Variants in RNF152 observed in about 807,000 individuals in gnomAD.
RNF152 encodes ring finger protein 152, also known as E3 ubiquitin-protein ligase RNF152.
A neutral mutation model predicts 12.7 loss-of-function variants in RNF152; 11 were observed. The ratio of observed to expected loss-of-function variants is 0.86; its 90% CI spans 0.54 to 1.43. RNF152 has a LOEUF of 1.43. RNF152 is among the 40% of genes most tolerant of loss of function. The pLI is 0.00. For missense variants in RNF152, 255 were observed against 274.8 expected (o/e 0.93, Z 0.51); for synonymous variants, 113 against 120.3 (o/e 0.94, Z 0.40).
intron 1 of RNF152, among the ~76,000 whole-genome samples, chr18:61,826,650 T>C (rs1329919891): frequency 1.3e-5 from 2 of 152,196 alleles, no homozygotes; most frequent in Non-Finnish European, 2.9e-5. Flanking sequence ...TCCGCAACAG[T>C]TCTAATAAAA....
At chr18:61,854,489 C>G (rs1911128554) in intron 1 of RNF152, among the ~76,000 whole-genome samples, 1 of 152,226 alleles carries the variant, frequency 6.6e-6, no homozygotes, top group African/African-American at 2.4e-5. Context: ...CAAAATTACA[C>G]AGGAAACCAT....
chr18:61,851,841 C>A (rs1279941749), intron 1 of RNF152, among the ~76,000 whole-genome samples: 1 of 152,224 alleles, frequency 6.6e-6, no homozygotes, highest in Admixed American at 6.5e-5. Context: ...TCTTATACAG[C>A]AGTACATGAA....
At chr18:61,864,214 C>A (rs897079091) in intron 1 of RNF152, among the ~76,000 whole-genome samples, 58 of 152,282 alleles carry the variant, frequency 3.8e-4, no homozygotes, top group African/African-American at 1.4e-3. Flanking sequence ...AGTCTGCCCC[C>A]ATTTCAGACA....
intron 1 of RNF152, among the ~76,000 whole-genome samples, chr18:61,845,642 T>C (rs1294873496): frequency 1.3e-5 from 2 of 152,220 alleles, no homozygotes; most frequent in East Asian, 3.8e-4. Flanking sequence ...GAAGTCAATT[T>C]TCCTCCAAAA....
At chr18:61,869,853 C>T (rs896354536) in intron 1 of RNF152, among the ~76,000 whole-genome samples, 1 of 152,158 alleles carries the variant, frequency 6.6e-6, no homozygotes, top group African/African-American at 2.4e-5. Context: ...CATCCATGAA[C>T]TTGGCACAAC....
rs145511059 is a variant in RNF152, at chr18:61,827,297, A to G, written c.-135-10699T>C. The stretch of plus-strand genomic sequence containing the variant: ...CCTTGACCATCAAGAAGGAACATTG[A>G]ATAAATTGCCCAAACACATTCAGTA... On this transcript the variant is annotated intron_variant, in intron 1 of 1. Transcript: ENST00000312828. Among the ~76,000 whole-genome samples the G allele has an allele frequency of 1.7e-3, 260 of 152,352 alleles. 2 individuals are homozygous for G. The highest frequency in any genetic ancestry group is 6.0e-3 in the African/African-American group (251 of 41,584).
chr18:61,863,366 T>C (rs145218055), intron 1 of RNF152, among the ~76,000 whole-genome samples: 5,871 of 141,454 alleles, frequency 0.042, 377 homozygotes, highest in African/African-American at 0.15. Context: ...ACCTGGGAAG[T>C]GGAGGTTGCA....
chr18:61,818,959 AG>A (rs1909249462), intron 1 of RNF152, among the ~76,000 whole-genome samples: 1 of 152,202 alleles, frequency 6.6e-6, no homozygotes, highest in East Asian at 1.9e-4. Flanking sequence ...CGAAGGAATC[AG>A]GGGGAATTTA....
chr18:61,811,218 A>T lies in RNF152; in HGVS notation c.*4634T>A, dbSNP rs1328159909. ...AAAGCAGACTAACCAATTTTGAAAC[A>T]ACATAAGTTTTCAAATAAAGGGATG... On this transcript the variant is annotated 3_prime_UTR_variant, in exon 2 of 2. Coordinates refer to ENST00000312828, the MANE Select transcript of RNF152 (RefSeq NM_173557.3). 6.6e-6 allele frequency: 1 copy of T among 152,208 alleles called. No individual in the cohort carries two copies. The highest frequency in any genetic ancestry group is 2.4e-5 in the African/African-American group (1 of 41,452). 9.4% of individuals were successfully genotyped at this position (152,208 alleles called of 1,614,324 possible).
At chr18:61,820,560 G>A (rs774013240) in intron 1 of RNF152, among the ~76,000 whole-genome samples, 3 of 151,960 alleles carry the variant, frequency 2.0e-5, no homozygotes, top group Non-Finnish European at 4.4e-5. Flanking sequence ...CTCACGTTGA[G>A]CTACGGGTGG....
At chr18:61,873,578 A>G (rs1912088376) in intron 1 of RNF152, among the ~76,000 whole-genome samples, 2 of 152,096 alleles carry the variant, frequency 1.3e-5, no homozygotes, top group South Asian at 2.1e-4. Flanking sequence ...CAGGTGATCC[A>G]CCCACCTCAG....
At chr18:61,828,780 A>C (rs896905581) in intron 1 of RNF152, among the ~76,000 whole-genome samples, 2 of 152,304 alleles carry the variant, frequency 1.3e-5, no homozygotes, top group African/African-American at 2.4e-5. Context: ...ATTGAGTATA[A>C]GGCACTACTC....
chr18:61,847,512 T>G (rs1327211221), intron 1 of RNF152, among the ~76,000 whole-genome samples: 4 of 152,228 alleles, frequency 2.6e-5, no homozygotes, highest in South Asian at 2.1e-4. Context: ...AGGGAAAATA[T>G]AGGCATTGCA....
At position 61,815,587 on chromosome 18, in the gene RNF152, C is replaced by A. The variant is rs1000933840; in HGVS notation, c.*265G>T. On this transcript the variant is annotated 3_prime_UTR_variant, in exon 2 of 2. Coordinates refer to ENST00000312828, the MANE Select transcript of RNF152 (RefSeq NM_173557.3). ...CATGATTTTGAAAAATCATAAATTA[C>A]AGTCCATTGAATACATGATTATGAG... is the stretch of plus-strand genomic sequence containing the variant. 9.2e-5 allele frequency: 40 copies of A among 432,444 alleles called. No individual in the cohort carries two copies. Among genetic ancestry groups the A allele is most frequent in the Middle Eastern group, 1.2e-3 (2 of 1,658 alleles). 26.8% of individuals were successfully genotyped at this position (432,444 alleles called of 1,614,324 possible).
intron 1 of RNF152, among the ~76,000 whole-genome samples, chr18:61,849,605 G>A (rs1910881291): frequency 6.6e-6 from 1 of 152,186 alleles, no homozygotes; most frequent in South Asian, 2.1e-4. Flanking sequence ...CAAATGGAAA[G>A]TTCTTAAAAC....
In RNF152 at chr18:61,832,522, T is replaced by G. The variant is rs77089753; in HGVS notation, c.-135-15924A>C. ...ACCCTGTAGAATTAAGCCTGTTTAA[T>G]CCACAAATAACTGCTTGAGTTTCAG... On this transcript the variant is annotated intron_variant, in intron 1 of 1. Transcript: ENST00000312828. Among the ~76,000 whole-genome samples, 164 of 152,294 alleles carry G rather than the reference T, an allele frequency of 1.1e-3. 1 individual carries two copies. In the East Asian group the frequency reaches 0.03, roughly 27 times the overall value.
At chr18:61,839,662 G>A (rs188059711) in intron 1 of RNF152, among the ~76,000 whole-genome samples, 6 of 152,232 alleles carry the variant, frequency 3.9e-5, no homozygotes, top group African/African-American at 1.4e-4. Flanking sequence ...TTGGGAGGCT[G>A]AGGCGGGCGG....
At chr18:61,862,494 G>T (rs896579806) in intron 1 of RNF152, among the ~76,000 whole-genome samples, 1 of 152,174 alleles carries the variant, frequency 6.6e-6, no homozygotes, top group African/African-American at 2.4e-5. Context: ...CTCCATGAGG[G>T]GATCCCACCC....
chr18:61,882,469 G>A (rs1171742807), intron 1 of RNF152, among the ~76,000 whole-genome samples: 2 of 152,234 alleles, frequency 1.3e-5, no homozygotes, highest in African/African-American at 2.4e-5. Flanking sequence ...AGGCACGCAA[G>A]TGTCTGGCAA....
Sources: allele counts gnomAD v4.1 joint callset (sites outside exome capture counted in the v4.1 genomes callset), GRCh38; gene constraint gnomAD v4.1.1; transcripts MANE v1.5; gene names NCBI Gene and HGNC (gene_info 2026-07-23, HGNC 2026-07-21).